Variants in NUP107 observed in about 807,000 individuals in gnomAD.
NUP107 encodes nuclear pore complex protein Nup107.
In NUP107, 101 loss-of-function variants were observed where a neutral mutation model predicts 141.0. The observed-to-expected ratio is 0.72, with a 90% CI of 0.61 to 0.84. NUP107 has a LOEUF of 0.84. Among genes scored for constraint, NUP107 ranks in the 40% least tolerant of loss-of-function variants. NUP107 has a pLI of 0.00. For synonymous variants in NUP107, 319 were observed against 363.9 expected (o/e 0.88, Z 1.41); for missense variants, 941 against 1,102.7 (o/e 0.85, Z 2.08).
At chr12:68,696,094 G>A (rs868686229) in intron 5 of NUP107, among the ~76,000 whole-genome samples, 2 of 151,980 alleles carry the variant, frequency 1.3e-5, no homozygotes, top group South Asian at 2.1e-4. Context: ...GGCTGGGTGC[G>A]GTGGCTCACG....
Position 68,740,874 on chromosome 12 carries a change from A to AT in NUP107, c.2503-928dup, listed in dbSNP as rs200607763. On this transcript the variant is annotated intron_variant, in intron 26 of 27. Transcript: ENST00000229179. The stretch of plus-strand genomic sequence containing the variant: ...CCTCATCTCTACAAATAATAAAATT[A>AT]TTTTTTTTTTTAAATAGAAAAATTA... Among the ~76,000 whole-genome samples, 145 of 147,758 alleles carry AT rather than the reference A, an allele frequency of 9.8e-4. 1 individual carries two copies. The East Asian group carries it at 0.017, about 17-fold the overall frequency.
At chr12:68,691,946 T>A in intron 4 of NUP107, 22 bp from the exon 5 acceptor site, 1 of 1,573,928 alleles carries the variant, frequency 6.4e-7, no homozygotes, top group Non-Finnish European at 8.6e-7. Context: ...TCTGTATTTT[T>A]ACTTTTTTGT....
intron 22 of NUP107, 94 bp from the exon 23 acceptor site, chr12:68,732,543 A>G: frequency 1.7e-6 from 1 of 588,792 alleles, no homozygotes. Flanking sequence ...GTTTACTGGA[A>G]GTACAGGTGT....
chr12:68,721,791 C>T, intron 15 of NUP107, 50 bp from the exon 16 acceptor site: 1 of 1,565,806 alleles, frequency 6.4e-7, no homozygotes, highest in Non-Finnish European at 8.7e-7. Context: ...CTTTTCCTTT[C>T]TTTTCTGTTG....
At chr12:68,690,860 C>G in intron 4 of NUP107, 114 bp downstream of exon 4, 1 of 1,019,428 alleles carries the variant, frequency 9.8e-7, no homozygotes, top group Non-Finnish European at 1.4e-6. Flanking sequence ...GCCTTGGCCT[C>G]CCAGAAGTCA....
intron 14 of NUP107, among the ~76,000 whole-genome samples, 179 bp from the exon 15 acceptor site, chr12:68,720,939 T>G (rs1244994334): frequency 6.6e-6 from 1 of 152,204 alleles, no homozygotes; most frequent in African/African-American, 2.4e-5. Context: ...CAGCATTTAT[T>G]ATTTCATCAC....
intron 11 of NUP107, 42 bp downstream of exon 11, chr12:68,713,850 G>GT: frequency 6.6e-7 from 1 of 1,506,370 alleles, no homozygotes; most frequent in Non-Finnish European, 9.1e-7. Flanking sequence ...AAAGTTAACT[G>GT]ATTTTTTTTT....
chr12:68,693,784 C>T (rs1235294420), intron 5 of NUP107, among the ~76,000 whole-genome samples: 2 of 152,168 alleles, frequency 1.3e-5, no homozygotes, highest in East Asian at 3.8e-4. Flanking sequence ...CAGCCTGTTA[C>T]GTTATTAGAC....
intron 20 of NUP107, among the ~76,000 whole-genome samples, chr12:68,727,982 T>G (rs1877635959): frequency 6.6e-6 from 1 of 152,064 alleles, no homozygotes; most frequent in African/African-American, 2.4e-5. Flanking sequence ...AAGAAAACAT[T>G]ACTAAGAAAA....
At chr12:68,701,397 G>A (rs1201942567) in intron 7 of NUP107, among the ~76,000 whole-genome samples, 3 of 152,130 alleles carry the variant, frequency 2.0e-5, no homozygotes, top group African/African-American at 7.2e-5. Flanking sequence ...ATTAGCACTT[G>A]TGGGCTGGGC....
chr12:68,723,780 T>C (rs548382338), intron 17 of NUP107, among the ~76,000 whole-genome samples: 2 of 152,232 alleles, frequency 1.3e-5, no homozygotes, highest in African/African-American at 4.8e-5. Context: ...ACTCACATTT[T>C]CTTGTCTATT....
At chr12:68,687,160 A>T in intron 1 of NUP107, 87 bp downstream of exon 1, 1 of 1,581,822 alleles carries the variant, frequency 6.3e-7, no homozygotes, top group South Asian at 1.1e-5. Flanking sequence ...GACTCCCAGA[A>T]GAAGCCAAGG....
intron 20 of NUP107, among the ~76,000 whole-genome samples, chr12:68,730,566 C>T (rs1431807384): frequency 2.0e-5 from 3 of 152,162 alleles, no homozygotes; most frequent in Admixed American, 6.5e-5. Context: ...GAATTACAGG[C>T]GCAAGCCACC....
chr12:68,722,077 ATTC>A, intron 16 of NUP107, 24 bp from the exon 17 acceptor site: 1 of 1,612,132 alleles, frequency 6.2e-7, no homozygotes, highest in Non-Finnish European at 8.5e-7. Flanking sequence ...TATTAACATT[ATTC>A]TTTTCCCGTT....
rs778111272 is a variant in NUP107, at chr12:68,727,334, CTT to C, written c.1696-11_1696-10del. ...ATAAGCAGTGTATTTATAATTATGT[CTT>C]TTTTTCCTATGAAGGAGGAAGTTTC... On this transcript the variant is annotated splice_polypyrimidine_tract_variant and intron_variant, in intron 19 of 27. Coordinates refer to ENST00000229179, the MANE Select transcript of NUP107 (RefSeq NM_020401.4). The C allele has an allele frequency of 1.5e-6, 2 of 1,378,542 alleles. No homozygotes were observed. Among genetic ancestry groups the C allele is most frequent in the Non-Finnish European group, 1.0e-6 (1 of 985,304 alleles). 85.4% of individuals were successfully genotyped at this position (1,378,542 alleles called of 1,614,324 possible). A position where few individuals can be genotyped will look rare whatever the true frequency, so the allele number is the denominator to read the frequency against.
rs11177338 is a variant in NUP107, at chr12:68,719,252, A to G, written c.1084-89A>G. ...ATGGGATGGATGGAACATTTGTTCC[A>G]TAAGTTATCTAAGCTTGTCATATAT... is the stretch of plus-strand genomic sequence containing the variant. On this transcript the variant is annotated intron_variant, in intron 12 of 27. Transcript: ENST00000229179. The G allele has an allele frequency of 0.11, 96,203 of 890,656 alleles. 5,882 individuals carry two copies. The highest frequency in any genetic ancestry group is 0.25 in the East Asian group (9,452 of 38,552). 55.2% of individuals were successfully genotyped at this position (890,656 alleles called of 1,614,324 possible). A position where few individuals can be genotyped will look rare whatever the true frequency, so the allele number is the denominator to read the frequency against.
rs543761508 is a variant in NUP107, at chr12:68,740,972, G to A, written c.2503-841G>A. Among the ~76,000 whole-genome samples, 331 of 151,690 alleles carry A rather than the reference G, an allele frequency of 2.2e-3. 1 individual carries two copies. Among genetic ancestry groups the A allele is most frequent in the African/African-American group, 7.1e-3 (295 of 41,390 alleles). On this transcript the variant is annotated intron_variant, in intron 26 of 27. Transcript: ENST00000229179. ...TGAGGTAGGAGGATTGCTTGAGCCC[G>A]GAGATCAAGGCTTCAGAGAGCCATG...
At chr12:68,698,017 G>T (rs1759189027) in intron 6 of NUP107, among the ~76,000 whole-genome samples, 1 of 147,556 alleles carries the variant, frequency 6.8e-6, no homozygotes. Flanking sequence ...GATAGAGTGA[G>T]ACTCCATCTC....
Position 68,728,970 on chromosome 12 carries a change from CT to C in NUP107, c.1734+1583del, listed in dbSNP as rs568578083. On this transcript the variant is annotated intron_variant, in intron 20 of 27. Transcript: ENST00000229179. ...CTTGTAATCTCATGACTTTTCTCTG[CT>C]TCTTGGGAGAACTTCCAGTATCACT... Among the ~76,000 whole-genome samples, 854 of 152,184 alleles carry C rather than the reference CT, an allele frequency of 5.6e-3. 10 individuals are homozygous for C. The highest frequency in any genetic ancestry group is 7.5e-3 in the Non-Finnish European group (507 of 68,004).
Sources: gnomAD v4.1 joint callset for allele counts (sites outside exome capture counted in the v4.1 genomes callset) on GRCh38, gnomAD v4.1.1 for gene constraint, MANE v1.5 for transcripts, NCBI Gene and HGNC (gene_info 2026-07-23, HGNC 2026-07-21) for gene names.